The following TENT2 variants were observed in gnomAD, a reference collection of about 807,000 sequenced individuals.
TENT2 encodes the protein poly(A) RNA polymerase GLD2.
A neutral mutation model predicts 72.2 loss-of-function variants in TENT2; 44 were observed. That is an observed-to-expected ratio of 0.61 (90% CI 0.48 to 0.78). The LOEUF is 0.78. Among genes scored for constraint, TENT2 ranks in the 30% least tolerant of loss-of-function variants. TENT2 has a pLI of 0.00. For synonymous variants in TENT2, 212 were observed against 192.5 expected (o/e 1.10, Z -0.84); for missense variants, 541 against 569.6 (o/e 0.95, Z 0.51).
At chr5:79,668,713 T>C (rs1473277995) in intron 11 of TENT2, 179 bp from the exon 12 acceptor site, 3 of 580,960 alleles carry the variant, frequency 5.2e-6, no homozygotes, top group Non-Finnish European at 8.9e-6. Flanking sequence ...AGGTACATTC[T>C]GGTCTACTGC....
intron 10 of TENT2, among the ~76,000 whole-genome samples, chr5:79,656,530 A>C (rs2150309936): frequency 6.6e-6 from 1 of 152,104 alleles, no homozygotes; most frequent in South Asian, 2.1e-4. Context: ...TTATGAAAGA[A>C]CTATTTTTAT....
At chr5:79,657,113 AT>A in intron 11 of TENT2, 112 bp downstream of exon 11, 1 of 634,454 alleles carries the variant, frequency 1.6e-6, no homozygotes, top group Non-Finnish European at 2.6e-6. Context: ...ACATGATAAC[AT>A]TTTCTATATA....
chr5:79,620,509 C>T (rs562366272), intron 3 of TENT2: 117 of 153,608 alleles, frequency 7.6e-4, no homozygotes, highest in Non-Finnish European at 1.5e-3. Flanking sequence ...ATTCTGGAGG[C>T]TAGATCAAGG....
chr5:79,623,984 A>C (rs1160861700), intron 4 of TENT2, among the ~76,000 whole-genome samples: 1 of 152,216 alleles, frequency 6.6e-6, no homozygotes, highest in Non-Finnish European at 1.5e-5. Context: ...AAGTGAAATG[A>C]AGCTATTTAA....
intron 4 of TENT2, among the ~76,000 whole-genome samples, chr5:79,631,895 G>A (rs901844472): frequency 6.6e-6 from 1 of 152,148 alleles, no homozygotes; most frequent in Non-Finnish European, 1.5e-5. Flanking sequence ...AGGAGGAGAG[G>A]ATAGGTATAG....
At chr5:79,665,879 G>A (rs369847383) in intron 11 of TENT2, among the ~76,000 whole-genome samples, 8 of 151,314 alleles carry the variant, frequency 5.3e-5, no homozygotes, top group African/African-American at 1.9e-4. Flanking sequence ...TAAAATATTA[G>A]TTTAAGTTCT....
At chr5:79,673,915 T>C (rs755855636) in intron 12 of TENT2, among the ~76,000 whole-genome samples, 24 of 151,918 alleles carry the variant, frequency 1.6e-4, no homozygotes, top group Non-Finnish European at 3.2e-4. Context: ...GGGCCAAGCA[T>C]TGGGTACTCT....
At chr5:79,632,034 A>G (rs1413598988) in intron 4 of TENT2, among the ~76,000 whole-genome samples, 1 of 152,182 alleles carries the variant, frequency 6.6e-6, no homozygotes, top group Non-Finnish European at 1.5e-5. Context: ...ATAAAGTAGG[A>G]TATCAGAGGT....
intron 1 of TENT2, 123 bp downstream of exon 1, chr5:79,613,198 GCGTTT>G (rs1342967418): frequency 6.6e-6 from 1 of 152,196 alleles, no homozygotes; most frequent in East Asian, 1.9e-4. Context: ...ACTGTTGTGT[GCGTTT>G]CTTTTCTTGT....
In TENT2 at chr5:79,640,932, C is replaced by T; in HGVS notation, c.547C>T (p.Gln183Ter). ...DLKKKELCRT[Q>*]LQREIQLLFP... is the part of the protein sequence containing the mutation. The stretch of plus-strand genomic sequence containing the variant: ...AAAGAAGAAAGAACTCTGTCGAACA[C>T]AGCTGCAGAGAGAAATTCAGCTGTT... The change falls in exon 5 of 15, where the codon CAG (glutamine) becomes TAG (stop). Residue 183 changes from glutamine to a stop codon, truncating the protein, a stop_gained. Transcript: ENST00000453514. LOFTEE classifies it high-confidence loss of function. The T allele has an allele frequency of 6.2e-7, 1 of 1,610,906 alleles. No homozygotes were observed. The highest frequency in any genetic ancestry group is 8.5e-7 in the Non-Finnish European group (1 of 1,178,754).
chr5:79,648,826 C>A, intron 9 of TENT2, 133 bp downstream of exon 9: 1 of 807,120 alleles, frequency 1.2e-6, no homozygotes, highest in Non-Finnish European at 1.9e-6. Flanking sequence ...GTATATGTTG[C>A]TACACTAAAA....
In TENT2 at chr5:79,636,428, C is replaced by T. The variant is rs539406881; in HGVS notation, c.466-4423C>T. 1.2e-4 allele frequency among the ~76,000 whole-genome samples: 19 copies of T among 152,160 alleles called. No homozygotes were observed. In the East Asian group the frequency reaches 3.7e-3, roughly 29 times the overall value. On this transcript the variant is annotated intron_variant, in intron 4 of 14. Transcript: ENST00000453514. ...TTCAGTATTCTGATATTCAGTTGAT[C>T]TTTTTTGTTTATCCTTCTGCCAGGG...
chr5:79,680,457 G>A (rs896251345), intron 13 of TENT2, among the ~76,000 whole-genome samples: 6 of 152,140 alleles, frequency 3.9e-5, no homozygotes, highest in African/African-American at 9.7e-5. Flanking sequence ...TTTGGCATAT[G>A]ACCTTATTCT....
chr5:79,620,741 C>T (rs1192985355), intron 3 of TENT2: 1 of 152,216 alleles, frequency 6.6e-6, no homozygotes, highest in Non-Finnish European at 1.5e-5. Flanking sequence ...TTCTGAGCTA[C>T]TGGGGCTTAG....
At chr5:79,633,313 G>A (rs1440140857) in intron 4 of TENT2, among the ~76,000 whole-genome samples, 3 of 150,376 alleles carry the variant, frequency 2.0e-5, no homozygotes, top group Non-Finnish European at 4.4e-5. Context: ...CTGGACCATA[G>A]TTTAATTTTA....
At chr5:79,632,381 C>A (rs1776311934) in intron 4 of TENT2, among the ~76,000 whole-genome samples, 1 of 151,940 alleles carries the variant, frequency 6.6e-6, no homozygotes, top group African/African-American at 2.4e-5. Flanking sequence ...AAGTAGAAAT[C>A]TGAGTTATTC....
chr5:79,626,553 C>G (rs1482567008), intron 4 of TENT2, among the ~76,000 whole-genome samples: 1 of 151,896 alleles, frequency 6.6e-6, no homozygotes, highest in Non-Finnish European at 1.5e-5. Context: ...GTGATCCACC[C>G]TCCTTGGCCT....
At chr5:79,656,109 G>A (rs889865418) in intron 10 of TENT2, among the ~76,000 whole-genome samples, 1 of 151,800 alleles carries the variant, frequency 6.6e-6, no homozygotes, top group Non-Finnish European at 1.5e-5. Context: ...TCTTAAATTT[G>A]AAAATGTATT....
At chr5:79,647,811 G>A (rs1580421772) in intron 8 of TENT2, among the ~76,000 whole-genome samples, 1 of 152,062 alleles carries the variant, frequency 6.6e-6, no homozygotes, top group South Asian at 2.1e-4. Flanking sequence ...TTTATACATT[G>A]CATCATTATT....
Sources: allele counts gnomAD v4.1 joint callset (sites outside exome capture counted in the v4.1 genomes callset), GRCh38; gene constraint gnomAD v4.1.1; transcripts MANE v1.5; gene names NCBI Gene and HGNC (gene_info 2026-07-23, HGNC 2026-07-21).